COL23A1: variants seen among roughly 807,000 people sequenced by gnomAD.
COL23A1 encodes collagen alpha-1(XXIII) chain.
A neutral mutation model predicts 99.3 loss-of-function variants in COL23A1; 97 were observed. The observed-to-expected ratio is 0.98, with a 90% CI of 0.83 to 1.16. The LOEUF is 1.16. Among genes scored for constraint, COL23A1 ranks in the 50% most tolerant of loss-of-function variants. The pLI is 0.00. For missense variants in COL23A1, 762 were observed against 757.4 expected (o/e 1.01, Z -0.07); for synonymous variants, 320 against 308.2 (o/e 1.04, Z -0.40).
At chr5:178,496,908 A>G (rs749072761) in intron 2 of COL23A1, among the ~76,000 whole-genome samples, 1 of 152,238 alleles carries the variant, frequency 6.6e-6, no homozygotes, top group Non-Finnish European at 1.5e-5. Flanking sequence ...AGTGACTAAT[A>G]GCCTTCTGAA....
At chr5:178,259,850 C>A in intron 11 of COL23A1, 103 bp from the exon 12 acceptor site, 2 of 1,114,510 alleles carry the variant, frequency 1.8e-6, no homozygotes, top group South Asian at 1.8e-5. Flanking sequence ...ACTGATGACC[C>A]GTGCCCAGGG....
chr5:178,251,878 T>C (rs1765045841), intron 17 of COL23A1, among the ~76,000 whole-genome samples: 1 of 151,860 alleles, frequency 6.6e-6, no homozygotes, highest in South Asian at 2.1e-4. Context: ...TTCTTTTCTT[T>C]TCTTTCTTTC....
chr5:178,361,044 C>A (rs1377682188), intron 2 of COL23A1, among the ~76,000 whole-genome samples: 6 of 152,238 alleles, frequency 3.9e-5, no homozygotes, highest in Admixed American at 3.3e-4. Context: ...TACATCCAAG[C>A]AAAGGCTGCC....
chr5:178,448,963 TTTTTC>T lies in COL23A1; in HGVS notation c.361+111714_361+111718del, dbSNP rs537716701. On this transcript the variant is annotated intron_variant, in intron 2 of 28. Coordinates refer to ENST00000390654, the MANE Select transcript of COL23A1 (RefSeq NM_173465.4). ...TTTTTTGTCACTTAGGTTCATTTCT[TTTTTC>T]TTTTTAAAATAATTTAAAAATATAT... Among the ~76,000 whole-genome samples, 174 of 151,566 alleles carry T rather than the reference TTTTTC, an allele frequency of 1.1e-3. 1 individual carries two copies. Among genetic ancestry groups the T allele is most frequent in the Non-Finnish European group, 2.2e-3 (151 of 67,868 alleles).
In COL23A1 at chr5:178,546,966, C is replaced by T. The variant is rs559339486; in HGVS notation, c.361+13716G>A. 1.4e-4 allele frequency among the ~76,000 whole-genome samples: 21 copies of T among 152,248 alleles called. 1 individual carries two copies. In the East Asian group the frequency reaches 2.9e-3, roughly 21 times the overall value. ...CACAGGGGCTCCAGGGCAGAGAAGCCGGAGGGAAGCCGCTCGCATGCAGAG... is the reference window on the plus strand; with the variant it reads ...CACAGGGGCTCCAGGGCAGAGAAGCTGGAGGGAAGCCGCTCGCATGCAGAG... On this transcript the variant is annotated intron_variant, in intron 2 of 28. Coordinates refer to ENST00000390654, the MANE Select transcript of COL23A1 (RefSeq NM_173465.4).
At chr5:178,574,135 A>G (rs915865162) in intron 1 of COL23A1, among the ~76,000 whole-genome samples, 2 of 152,178 alleles carry the variant, frequency 1.3e-5, no homozygotes, top group African/African-American at 2.4e-5. Context: ...CTGGGATTCC[A>G]GGCATGAGCC....
At position 178,365,882 on chromosome 5, in the gene COL23A1, G is replaced by A. The variant is rs892063310; in HGVS notation, c.362-58963C>T. Among the ~76,000 whole-genome samples the A allele has an allele frequency of 8.5e-5, 13 of 152,112 alleles. No homozygotes were observed. The highest frequency in any genetic ancestry group is 3.1e-4 in the African/African-American group (13 of 41,424). ...GGGGAGCTCCTCGAGGGCAAGGCCT[G>A]GGAACATCTGGAGTCAGTGAACACA... On this transcript the variant is annotated intron_variant, in intron 2 of 28. Coordinates refer to ENST00000390654, the MANE Select transcript of COL23A1 (RefSeq NM_173465.4). The surrounding 1 kb of genome is among the most constrained non-coding windows in gnomAD (Gnocchi z 5.2).
rs542084753 is a variant in COL23A1, at chr5:178,281,260, C to T, written c.441+7064G>A. Among the ~76,000 whole-genome samples, 1 of 152,286 alleles carries T rather than the reference C, an allele frequency of 6.6e-6. No homozygotes were observed. The highest frequency in any genetic ancestry group is 2.4e-5 in the African/African-American group (1 of 41,554). ...GTTTAACTGATTACATTTTTATAAT[C>T]AAAGCTGTTTTTGAACTACAAGAGT... On this transcript the variant is annotated intron_variant, in intron 5 of 28. Transcript: ENST00000390654. This position sits in a 1 kb window ranked among gnomAD's most constrained non-coding sequence, Gnocchi z 4.0.
chr5:178,450,972 C>G (rs912370102), intron 2 of COL23A1, among the ~76,000 whole-genome samples: 1 of 152,160 alleles, frequency 6.6e-6, no homozygotes, highest in African/African-American at 2.4e-5. Context: ...TTTCTAAGAA[C>G]GTACTACTTA....
At chr5:178,477,950 G>T (rs961873839) in intron 2 of COL23A1, among the ~76,000 whole-genome samples, 4 of 152,224 alleles carry the variant, frequency 2.6e-5, no homozygotes, top group African/African-American at 9.6e-5. Flanking sequence ...GAGAAGGCAG[G>T]TGCCAGTTAT....
At chr5:178,293,339 T>C (rs1297932402) in intron 3 of COL23A1, among the ~76,000 whole-genome samples, 3 of 151,968 alleles carry the variant, frequency 2.0e-5, no homozygotes, top group Non-Finnish European at 4.4e-5. Flanking sequence ...TCTGTGGAGA[T>C]GGCAGGAGGA....
At chr5:178,497,210 A>G (rs1373791633) in intron 2 of COL23A1, among the ~76,000 whole-genome samples, 1 of 152,208 alleles carries the variant, frequency 6.6e-6, no homozygotes, top group African/African-American at 2.4e-5. Flanking sequence ...GTGCAGTGCC[A>G]GAGCAGCAAG....
intron 2 of COL23A1, among the ~76,000 whole-genome samples, chr5:178,488,058 T>A (rs1757729160): frequency 6.6e-6 from 1 of 152,186 alleles, no homozygotes; most frequent in Non-Finnish European, 1.5e-5. Flanking sequence ...ACTGTGAGAA[T>A]GATGAGAATA....
At chr5:178,554,479 C>T (rs1236913928) in intron 2 of COL23A1, among the ~76,000 whole-genome samples, 2 of 152,224 alleles carry the variant, frequency 1.3e-5, no homozygotes, top group African/African-American at 4.8e-5. Flanking sequence ...ACGCCCAGCC[C>T]TCCTGGTGTG....
Position 178,484,034 on chromosome 5 carries a change from C to T in COL23A1, c.361+76648G>A, listed in dbSNP as rs557203843. Among the ~76,000 whole-genome samples the T allele has an allele frequency of 4.6e-5, 7 of 152,134 alleles. No homozygotes were observed. In the South Asian group the frequency reaches 1.0e-3, roughly 23 times the overall value. ...CTCTCTGCAACCTCCCAGGTTCAAG[C>T]GATTCTCCTGCCTCAGTCTTCTGAG... On this transcript the variant is annotated intron_variant, in intron 2 of 28. Transcript: ENST00000390654.
intron 2 of COL23A1, among the ~76,000 whole-genome samples, chr5:178,312,256 T>C (rs1274234529): frequency 6.6e-6 from 1 of 152,180 alleles, no homozygotes; most frequent in Non-Finnish European, 1.5e-5. Context: ...GGCTGAGCTC[T>C]TTGGGAATGA....
rs531116858 is a variant in COL23A1 at position 178,479,115 on chromosome 5, G to C, written c.361+81567C>G. ...GGATCACCCTCATGATGATGATGAT[G>C]ATGATGATGACCGTGGTAATGACAA... is the stretch of plus-strand genomic sequence containing the variant. On this transcript the variant is annotated intron_variant, in intron 2 of 28. Transcript: ENST00000390654. 3.9e-5 allele frequency among the ~76,000 whole-genome samples: 6 copies of C among 152,140 alleles called. No individual in the cohort carries two copies. The East Asian group carries it at 9.7e-4, about 24-fold the overall frequency.
chr5:178,428,240 C>T lies in COL23A1; in HGVS notation c.362-121321G>A, dbSNP rs1766058632. Among the ~76,000 whole-genome samples the T allele has an allele frequency of 6.6e-6, 1 of 152,224 alleles. No individual in the cohort carries two copies. Among genetic ancestry groups the T allele is most frequent in the Non-Finnish European group, 1.5e-5 (1 of 68,030 alleles). On this transcript the variant is annotated intron_variant, in intron 2 of 28. Coordinates refer to ENST00000390654, the MANE Select transcript of COL23A1 (RefSeq NM_173465.4). This position sits in a 1 kb window ranked among gnomAD's most constrained non-coding sequence, Gnocchi z 5.0. ...GCCTTCTGCTGTGGGCTCCCCGAGG[C>T]ATTTCCTGGGAGAAGGGTCTCTGGC...
intron 17 of COL23A1, among the ~76,000 whole-genome samples, chr5:178,251,025 A>ATTT (rs70994990): frequency 0.052 from 6,273 of 121,222 alleles, 233 homozygotes; most frequent in East Asian, 0.1. Context: ...TCGCAAGATA[A>ATTT]TTTTTTTTTT....
Sources: gnomAD v4.1 joint callset for allele counts (sites outside exome capture counted in the v4.1 genomes callset) on GRCh38, gnomAD v4.1.1 for gene constraint, Gnocchi (gnomAD v3.1) non-coding constraint, MANE v1.5 for transcripts, NCBI Gene and HGNC (gene_info 2026-07-23, HGNC 2026-07-21) for gene names.